The following TBCK variants were observed in gnomAD, a reference collection of about 807,000 sequenced individuals.
The protein encoded by TBCK is TBC1 domain containing kinase, also known as TBC domain-containing protein kinase-like protein.
Under a neutral mutation model 113.4 loss-of-function variants are expected in TBCK, and 99 were observed. The observed-to-expected ratio is 0.87, with a 90% CI of 0.74 to 1.03. The LOEUF (loss-of-function observed/expected upper bound fraction) is 1.03, where lower values mean the gene tolerates loss of function less well. Among genes scored for constraint, TBCK ranks in the 50% least tolerant of loss-of-function variants. The probability of loss-of-function intolerance (pLI) is 0.00; values close to 1 mark genes in which losing one functional copy is unlikely to be tolerated. For missense variants in TBCK, 1,045 were observed against 1,061.3 expected, an observed-to-expected ratio of 0.98 and a Z score of 0.21; for synonymous variants, 369 against 370.8, an observed-to-expected ratio of 1.00 and a Z score of 0.05.
intron 23 of TBCK, among the ~76,000 whole-genome samples, chr4:106,136,758 C>T (rs1381881334): frequency 7.1e-6 from 1 of 141,004 alleles, no homozygotes; most frequent in Non-Finnish European, 1.6e-5. Context: ...AGCCCCTACT[C>T]TATAAATCAC....
At chr4:106,250,884 T>A (rs1761352993) in intron 6 of TBCK, among the ~76,000 whole-genome samples, 1 of 151,976 alleles carries the variant, frequency 6.6e-6, no homozygotes, top group Admixed American at 6.6e-5. Flanking sequence ...ATATCATGAT[T>A]CGGTTAGTCT....
intron 15 of TBCK, among the ~76,000 whole-genome samples, chr4:106,234,755 C>A (rs1273156154): frequency 6.6e-6 from 1 of 152,110 alleles, no homozygotes; most frequent in African/African-American, 2.4e-5. Flanking sequence ...GTTAGTATTG[C>A]AGGCCACCAT....
At chr4:106,116,435 TCC>T in intron 23 of TBCK, 57 bp from the exon 24 acceptor site, 9 of 1,355,850 alleles carry the variant, frequency 6.6e-6, no homozygotes, top group Non-Finnish European at 9.3e-6. Context: ...AAACAAATTA[TCC>T]CCAGTAATAG....
At chr4:106,110,097 T>A (rs1002997170) in intron 24 of TBCK, among the ~76,000 whole-genome samples, 2 of 152,224 alleles carry the variant, frequency 1.3e-5, no homozygotes, top group African/African-American at 4.8e-5. Flanking sequence ...GTGACCATGT[T>A]AATTACCCAC....
chr4:106,233,250 T>C (rs767951585), intron 16 of TBCK, among the ~76,000 whole-genome samples, 186 bp from the exon 17 acceptor site: 5 of 152,066 alleles, frequency 3.3e-5, no homozygotes, highest in Non-Finnish European at 7.4e-5. Context: ...AGAAGTTGTA[T>C]GTATACCTAA....
intron 23 of TBCK, among the ~76,000 whole-genome samples, chr4:106,168,536 AG>A (rs1750652033): frequency 6.6e-6 from 1 of 151,984 alleles, no homozygotes; most frequent in Non-Finnish European, 1.5e-5. Flanking sequence ...CTAATTGGCA[AG>A]GAAGAAATAA....
At chr4:106,077,121 T>C (rs1042400064) in intron 25 of TBCK, among the ~76,000 whole-genome samples, 9 of 151,868 alleles carry the variant, frequency 5.9e-5, no homozygotes, top group African/African-American at 2.2e-4. Flanking sequence ...ACAAAAAAGC[T>C]ACGGGAATCT....
chr4:106,157,315 A>AG (rs1454777704), intron 23 of TBCK, among the ~76,000 whole-genome samples: 1 of 151,916 alleles, frequency 6.6e-6, no homozygotes, highest in African/African-American at 2.4e-5. Flanking sequence ...GGTTTGGGGT[A>AG]GGGGTGGTGC....
At chr4:106,084,368 C>T (rs2149496448) in intron 25 of TBCK, among the ~76,000 whole-genome samples, 1 of 152,066 alleles carries the variant, frequency 6.6e-6, no homozygotes, top group South Asian at 2.1e-4. Flanking sequence ...TGAAATAAGA[C>T]ACAGAGACAA....
At chr4:106,269,100 C>T (rs979222198) in intron 3 of TBCK, among the ~76,000 whole-genome samples, 1 of 152,028 alleles carries the variant, frequency 6.6e-6, no homozygotes, top group Admixed American at 6.6e-5. Flanking sequence ...TAAAACATTC[C>T]TTACTTGGTA....
intron 23 of TBCK, among the ~76,000 whole-genome samples, chr4:106,133,135 G>T (rs200501892): frequency 1.3e-5 from 2 of 152,172 alleles, no homozygotes; most frequent in Non-Finnish European, 2.9e-5. Context: ...GAATGATATG[G>T]TTTGGCTGTG....
chr4:106,196,643 A>G (rs1486437285), intron 20 of TBCK, among the ~76,000 whole-genome samples: 1 of 152,048 alleles, frequency 6.6e-6, no homozygotes, highest in African/African-American at 2.4e-5. Context: ...ACATTTTTCT[A>G]GGGACAATAT....
chr4:106,178,102 T>A (rs1751902744), intron 22 of TBCK, among the ~76,000 whole-genome samples: 1 of 151,994 alleles, frequency 6.6e-6, no homozygotes, highest in Admixed American at 6.6e-5. Flanking sequence ...GCAGAACTGC[T>A]TCCTTGATTT....
At chr4:106,105,818 T>C (rs1020047930) in intron 24 of TBCK, among the ~76,000 whole-genome samples, 3 of 152,168 alleles carry the variant, frequency 2.0e-5, no homozygotes, top group Non-Finnish European at 4.4e-5. Context: ...AAAGAACCAA[T>C]GCAAGAACTC....
chr4:106,083,911 CCCCCATAA>C (rs1161229859), intron 25 of TBCK, among the ~76,000 whole-genome samples: 1 of 152,238 alleles, frequency 6.6e-6, no homozygotes, highest in East Asian at 1.9e-4. Context: ...AACAAAAAGA[CCCCCATAA>C]AAACCCCATG....
chr4:106,307,104 G>C (rs778369775), intron 2 of TBCK, among the ~76,000 whole-genome samples: 8 of 152,100 alleles, frequency 5.3e-5, no homozygotes, highest in Admixed American at 6.5e-5. Context: ...TTATGGTACG[G>C]AATAGCTCTG....
chr4:106,216,626 G>A (rs543942189), intron 19 of TBCK, among the ~76,000 whole-genome samples: 2 of 152,028 alleles, frequency 1.3e-5, no homozygotes, highest in Non-Finnish European at 2.9e-5. Context: ...GAAGAAATGG[G>A]TAAATTCCTT....
chr4:106,190,983 A>G (rs1378674354), intron 22 of TBCK, among the ~76,000 whole-genome samples: 1 of 152,156 alleles, frequency 6.6e-6, no homozygotes, highest in Non-Finnish European at 1.5e-5. Flanking sequence ...AGTACATACA[A>G]AATTTTCTTA....
intron 25 of TBCK, among the ~76,000 whole-genome samples, chr4:106,075,018 G>A (rs1738003614): frequency 6.6e-6 from 1 of 152,164 alleles, no homozygotes; most frequent in African/African-American, 2.4e-5. Context: ...GGTGAATAAG[G>A]TAAAAAAGGA....
Sources: gnomAD v4.1 joint callset for allele counts (sites outside exome capture counted in the v4.1 genomes callset) on GRCh38, gnomAD v4.1.1 for gene constraint, MANE v1.5 for transcripts, NCBI Gene and HGNC (gene_info 2026-07-23, HGNC 2026-07-21) for gene names.